The following ATP8A1 variants were observed in gnomAD, a reference collection of about 807,000 sequenced individuals.
The protein encoded by ATP8A1 is ATPase phospholipid transporting 8A1, also known as phospholipid-transporting ATPase IA.
A neutral mutation model predicts 177.7 loss-of-function variants in ATP8A1; 90 were observed. The observed-to-expected ratio is 0.51, with a 90% CI of 0.43 to 0.60. The LOEUF (loss-of-function observed/expected upper bound fraction) is 0.60. Among genes scored for constraint, ATP8A1 ranks in the 20% least tolerant of loss-of-function variants. The pLI, the probability that ATP8A1 is intolerant of heterozygous loss-of-function variation, is 0.00. For missense variants in ATP8A1, 1,072 were observed against 1,392.8 expected (o/e 0.77, Z 3.67); for synonymous variants, 493 against 485.9 (o/e 1.01, Z -0.19).
chr4:42,455,868 T>C (rs140730038), intron 27 of ATP8A1, among the ~76,000 whole-genome samples: 1,826 of 152,280 alleles, frequency 0.012, 35 homozygotes, highest in African/African-American at 0.042. Context: ...TGATAAATAA[T>C]CTTGTTTTTC....
intron 31 of ATP8A1, among the ~76,000 whole-genome samples, chr4:42,446,097 AAAGAG>A (rs1187469918): frequency 5.4e-5 from 8 of 148,386 alleles, no homozygotes; most frequent in South Asian, 2.2e-4. Context: ...AAAAAAAAAA[AAAGAG>A]AAGAGATATA....
At chr4:42,435,551 C>G (rs763233129) in intron 33 of ATP8A1, among the ~76,000 whole-genome samples, 2 of 151,322 alleles carry the variant, frequency 1.3e-5, no homozygotes, top group African/African-American at 2.4e-5. Context: ...GCCTGTCATT[C>G]AAACAAAAAC....
At chr4:42,471,851 G>A in intron 25 of ATP8A1, 1 of 589,448 alleles carries the variant, frequency 1.7e-6, no homozygotes, top group Non-Finnish European at 3.3e-6. Flanking sequence ...CCAACAGCGA[G>A]ACGCCAAACG....
chr4:42,517,404 G>A (rs753031598), intron 22 of ATP8A1, among the ~76,000 whole-genome samples: 2 of 151,898 alleles, frequency 1.3e-5, no homozygotes, highest in Non-Finnish European at 2.9e-5. Flanking sequence ...TCAAAAGAAC[G>A]AGGGTGAGAT....
chr4:42,434,284 C>T (rs1260515385), intron 33 of ATP8A1, among the ~76,000 whole-genome samples: 1 of 152,094 alleles, frequency 6.6e-6, no homozygotes, highest in Non-Finnish European at 1.5e-5. Context: ...AATATATTTA[C>T]TTGTTACACC....
intron 22 of ATP8A1, among the ~76,000 whole-genome samples, chr4:42,520,261 T>C (rs763995663): frequency 1.7e-4 from 26 of 152,170 alleles, no homozygotes; most frequent in Middle Eastern, 3.2e-3. Flanking sequence ...TTTTTTATTC[T>C]GACATTACAT....
At chr4:42,429,704 G>A (rs534582887) in intron 33 of ATP8A1, among the ~76,000 whole-genome samples, 1 of 152,270 alleles carries the variant, frequency 6.6e-6, no homozygotes, top group South Asian at 2.1e-4. Context: ...CAGCAGTACT[G>A]TTCACTATAG....
At chr4:42,648,560 T>C (rs1191775168) in intron 1 of ATP8A1, among the ~76,000 whole-genome samples, 1 of 152,088 alleles carries the variant, frequency 6.6e-6, no homozygotes, top group Non-Finnish European at 1.5e-5. Flanking sequence ...GAATTACTAA[T>C]ATAACTGTTT....
Position 42,624,588 on chromosome 4 carries a change from G to A in ATP8A1, c.311C>T (p.Pro104Leu). 1 of 1,496,740 alleles carries A rather than the reference G, an allele frequency of 6.7e-7. No homozygotes were observed. Among genetic ancestry groups the A allele is most frequent in the Non-Finnish European group, 8.9e-7 (1 of 1,121,576 alleles). The allele number at this position is 1,496,740 out of a possible 1,614,324, so 92.7% of individuals were successfully genotyped here. A position where few individuals can be genotyped will look rare whatever the true frequency, so the allele number is the denominator to read the frequency against. The change falls in exon 4 of 37, where the codon CCT becomes CTT. Residue 104 changes from proline (P) to leucine (L), a missense_variant. Transcript: ENST00000381668. Reference sequence around the variant, plus strand: ...TGCCACAGCTAAAATAAATAAGAGAGGAACCAGTGTTGTATAACGACCTGT... The same window carrying A: ...TGCCACAGCTAAAATAAATAAGAGAAGAACCAGTGTTGTATAACGACCTGT... ...SPTGRYTTLV[P>L]LLFILAVAAI...
At chr4:42,604,132 T>C (rs916726573) in intron 5 of ATP8A1, among the ~76,000 whole-genome samples, 4 of 152,174 alleles carry the variant, frequency 2.6e-5, no homozygotes, top group Non-Finnish European at 5.9e-5. Context: ...GAATTCTCTT[T>C]CCCTCCATCC....
chr4:42,507,455 C>T (rs549148135), intron 22 of ATP8A1, among the ~76,000 whole-genome samples: 4 of 151,768 alleles, frequency 2.6e-5, no homozygotes, highest in East Asian at 3.9e-4. Flanking sequence ...AGCCTGGGCA[C>T]GGTGGCTCAC....
chr4:42,626,706 T>C (rs1334554576), intron 2 of ATP8A1: 3 of 371,594 alleles, frequency 8.1e-6, no homozygotes, highest in Non-Finnish European at 1.5e-5. Context: ...ATCGCTCTAT[T>C]AACAGGTTTA....
chr4:42,613,652 T>A (rs965345758), intron 5 of ATP8A1, among the ~76,000 whole-genome samples: 2 of 152,140 alleles, frequency 1.3e-5, no homozygotes, highest in African/African-American at 4.8e-5. Flanking sequence ...GGCGCGGTCT[T>A]GGCTCACTGC....
chr4:42,541,094 C>T (rs533565766), intron 20 of ATP8A1, among the ~76,000 whole-genome samples: 1 of 151,842 alleles, frequency 6.6e-6, no homozygotes, highest in Admixed American at 6.6e-5. Context: ...TCACTGCCCT[C>T]CAGCCTAGGT....
intron 1 of ATP8A1, among the ~76,000 whole-genome samples, chr4:42,644,512 A>G (rs1257495281): frequency 6.6e-6 from 1 of 152,258 alleles, no homozygotes; most frequent in African/African-American, 2.4e-5. Flanking sequence ...ATCACCTAAT[A>G]AAAGGAAAGT....
intron 16 of ATP8A1, among the ~76,000 whole-genome samples, chr4:42,553,729 T>C (rs887110313): frequency 2.6e-5 from 4 of 152,280 alleles, no homozygotes; most frequent in South Asian, 2.1e-4. Context: ...GTCCCTGCCA[T>C]GTGAAGCTTG....
chr4:42,651,833 C>T (rs1741128276), intron 1 of ATP8A1, among the ~76,000 whole-genome samples: 1 of 152,166 alleles, frequency 6.6e-6, no homozygotes, highest in Admixed American at 6.5e-5. Flanking sequence ...GCAGGCACAG[C>T]CAACCCTGTC....
chr4:42,593,019 C>G (rs912230943), intron 6 of ATP8A1, among the ~76,000 whole-genome samples: 5 of 151,998 alleles, frequency 3.3e-5, no homozygotes, highest in Non-Finnish European at 7.4e-5. Context: ...TAAAGCTTAT[C>G]AATTTAAACA....
intron 25 of ATP8A1, among the ~76,000 whole-genome samples, chr4:42,482,835 T>C (rs975359969): frequency 1.3e-5 from 2 of 152,204 alleles, no homozygotes; most frequent in African/African-American, 4.8e-5. Context: ...AGATTCTGAA[T>C]TATCTGCATG....
Sources: allele counts gnomAD v4.1 joint callset (sites outside exome capture counted in the v4.1 genomes callset), GRCh38; gene constraint gnomAD v4.1.1; transcripts MANE v1.5; gene names NCBI Gene and HGNC (gene_info 2026-07-23, HGNC 2026-07-21).